FRY: variants seen among roughly 807,000 people sequenced by gnomAD.
FRY encodes FRY microtubule binding protein, also known as protein furry homolog.
FRY carries 128 observed loss-of-function variants against 348.4 expected under a neutral mutation model. The observed-to-expected ratio is 0.37, with a 90% CI of 0.32 to 0.43. The LOEUF is 0.43. Ranked by LOEUF, FRY falls within the 20% of genes least tolerant of loss-of-function variation. The pLI is 1.00. For synonymous variants in FRY, 1,370 were observed against 1,374.7 expected (o/e 1.00, Z 0.08); for missense variants, 2,736 against 3,695.2 (o/e 0.74, Z 6.73).
Position 32,171,059 on chromosome 13 carries a change from C to T in FRY, c.1940C>T (p.Ser647Phe). The T allele has an allele frequency of 6.2e-7, 1 of 1,611,210 alleles. No individual in the cohort carries two copies. Among genetic ancestry groups the T allele is most frequent in the Non-Finnish European group, 8.5e-7 (1 of 1,177,386 alleles). Residue 647 changes from serine (S) to phenylalanine (F), a missense_variant, in exon 18 of 61, where the codon TCT (serine) becomes TTT (phenylalanine). This residue lies in a region of FRY where 449 missense variants were observed against 576.9 expected (regional missense o/e 0.78). Coordinates refer to ENST00000542859, the MANE Select transcript of FRY (RefSeq NM_023037.3). ...GAATTGCGACATATTGCACAAAATT[C>T]TCTTCAGGGTTTACTTGTTGACTTC... is the stretch of plus-strand genomic sequence containing the variant. ...DDELRHIAQNSLQGLLVDFSD... is the reference protein window; with the variant it reads ...DDELRHIAQNFLQGLLVDFSD...
chr13:32,285,851 A>G (rs1889018403), intron 58 of FRY, among the ~76,000 whole-genome samples: 1 of 152,214 alleles, frequency 6.6e-6, no homozygotes, highest in Admixed American at 6.5e-5. Flanking sequence ...ACTATTTTAT[A>G]TGACATTGTA....
chr13:32,086,735 T>C (rs1350295292), intron 2 of FRY, among the ~76,000 whole-genome samples: 1 of 152,044 alleles, frequency 6.6e-6, no homozygotes, highest in Admixed American at 6.6e-5. Flanking sequence ...TTTTTTTAAG[T>C]CTACTTGACT....
intron 51 of FRY, among the ~76,000 whole-genome samples, chr13:32,261,238 G>A (rs1392444036): frequency 2.6e-5 from 4 of 152,180 alleles, no homozygotes; most frequent in Non-Finnish European, 5.9e-5. Context: ...AACAGGGGCC[G>A]ACCTCAGGGT....
Position 32,267,340 on chromosome 13 carries a change from T to G in FRY, c.8117T>G (p.Val2706Gly). 6.2e-7 allele frequency: 1 copy of G among 1,614,100 alleles called. No homozygotes were observed. The highest frequency in any genetic ancestry group is 8.5e-7 in the Non-Finnish European group (1 of 1,179,970). ...DGSCAVYTFH[V>G]FSSLFKNIQK... ...TCCTGTGCTGTGTATACATTTCATG[T>G]GTTCTCCTCCTTGTTTAAGGTATGT... is the stretch of plus-strand genomic sequence containing the variant. Residue 2706 changes from valine (V) to glycine (G), a missense_variant, in exon 55 of 61, where the codon GTG becomes GGG. Physicochemically the swap from Val to Gly is moderately radical, Grantham distance 109. Transcript: ENST00000542859.
Position 32,261,827 on chromosome 13 carries a change from G to A in FRY, c.7617+11G>A. On this transcript the variant is annotated intron_variant, in intron 52 of 60. Coordinates refer to ENST00000542859, the MANE Select transcript of FRY (RefSeq NM_023037.3). ...GAGCACTCAGACCTAGTAAGTAGCG[G>A]CTCTCCCACTCTAAGAATTGGGAGG... The A allele has an allele frequency of 6.2e-7, 1 of 1,612,176 alleles. No individual in the cohort carries two copies. Among genetic ancestry groups the A allele is most frequent in the Non-Finnish European group, 8.5e-7 (1 of 1,178,266 alleles).
At chr13:32,035,961 A>G (rs1376758725) in intron 1 of FRY, among the ~76,000 whole-genome samples, 1 of 152,160 alleles carries the variant, frequency 6.6e-6, no homozygotes, top group Non-Finnish European at 1.5e-5. Context: ...TAAGCCCAGG[A>G]TCTGTTCAAC....
At position 32,236,152 on chromosome 13, in the gene FRY, C is replaced by A. The variant is rs1309831523; in HGVS notation, c.5790C>A (p.Asp1930Glu). The change falls in exon 43 of 61, where the codon GAC (aspartate) becomes GAA (glutamate). Residue 1930 changes from aspartate (D) to glutamate (E), a missense_variant. Physicochemically the swap from Asp to Glu is conservative, Grantham distance 45. Coordinates refer to ENST00000542859, the MANE Select transcript of FRY (RefSeq NM_023037.3). The stretch of plus-strand genomic sequence containing the variant: ...TGTCTGACTGCTTGAAGAACAGTGA[C>A]CTCCTAACTGTATTGTCCCGGTGAG... ...DNLSDCLKNSDLLTVLSRSSS... is the reference protein window; with the variant it reads ...DNLSDCLKNSELLTVLSRSSS... The A allele has an allele frequency of 1.9e-6, 3 of 1,611,618 alleles. No individual in the cohort carries two copies. Among genetic ancestry groups the A allele is most frequent in the Admixed American group, 3.3e-5 (2 of 59,978 alleles).
intron 1 of FRY, among the ~76,000 whole-genome samples, chr13:32,075,014 T>C (rs1377654910): frequency 1.3e-5 from 2 of 152,214 alleles, no homozygotes; most frequent in African/African-American, 4.8e-5. Context: ...GATTCAGTCA[T>C]TGCATTTGCA....
chr13:32,209,600 C>T lies in FRY; in HGVS notation c.4291C>T (p.Pro1431Ser). 1 of 1,613,932 alleles carries T rather than the reference C, an allele frequency of 6.2e-7. No homozygotes were observed. Among genetic ancestry groups the T allele is most frequent in the Non-Finnish European group, 8.5e-7 (1 of 1,179,950 alleles). ...TTTGTTATAGTATGGAGATGAAGTT[C>T]CTGGGCCAGAAATGGAAAATGCTTG... ...YMTAKYGDEV[P>S]GPEMENAWNA... Residue 1431 changes from proline to serine, a missense_variant, in exon 33 of 61, where the codon CCT becomes TCT. By Grantham distance (74) the Pro-to-Ser change is moderately conservative. Transcript: ENST00000542859.
chr13:32,066,475 G>A (rs1874268221), intron 1 of FRY, among the ~76,000 whole-genome samples: 1 of 152,202 alleles, frequency 6.6e-6, no homozygotes, highest in Admixed American at 6.5e-5. Context: ...GTAGGTACAA[G>A]AACTCTGACC....
chr13:32,274,878 G>A lies in FRY; in HGVS notation c.8173G>A (p.Ala2725Thr). The change falls in exon 56 of 61, where the codon GCA becomes ACA. Residue 2725 changes from alanine to threonine, a missense_variant. Physicochemically the swap from Ala to Thr is moderately conservative, Grantham distance 58 (BLOSUM62 0). This residue lies in a region of FRY where 789 missense variants were observed against 996.2 expected (regional missense o/e 0.79). Coordinates refer to ENST00000542859, the MANE Select transcript of FRY (RefSeq NM_023037.3). ...QKRFCFLTCD[A>T]ASYLGDNLRG... ...AAGGTTCTGCTTCCTAACCTGTGATGCAGCCAGTTACCTTGGAGATAACCT... is the reference window on the plus strand; with the variant it reads ...AAGGTTCTGCTTCCTAACCTGTGATACAGCCAGTTACCTTGGAGATAACCT... The A allele has an allele frequency of 6.2e-7, 1 of 1,613,486 alleles. No homozygotes were observed. Among genetic ancestry groups the A allele is most frequent in the Non-Finnish European group, 8.5e-7 (1 of 1,179,500 alleles).
rs1421416481 is a variant in FRY, at chr13:32,297,191, T to C, written c.*1731T>C. ...CTAACCTAGGATTTTTTTTAAATCC[T>C]AGTAGTTGCTACAGATGCAACTACT... On this transcript the variant is annotated 3_prime_UTR_variant, in exon 61 of 61. Transcript: ENST00000542859. 1 of 152,224 alleles carries C rather than the reference T, an allele frequency of 6.6e-6. No individual in the cohort carries two copies. The highest frequency in any genetic ancestry group is 1.9e-4 in the East Asian group (1 of 5,200). 9.4% of individuals were successfully genotyped at this position (152,224 alleles called of 1,614,324 possible).
chr13:32,187,745 T>C (rs1477790860), intron 28 of FRY, 89 bp downstream of exon 28: 1 of 760,944 alleles, frequency 1.3e-6, no homozygotes, highest in Admixed American at 1.9e-5. Flanking sequence ...TTGTTCACAA[T>C]ACCTCTTCAC....
At chr13:32,282,318 A>G (rs1888851275) in intron 58 of FRY, among the ~76,000 whole-genome samples, 1 of 152,214 alleles carries the variant, frequency 6.6e-6, no homozygotes, top group South Asian at 2.1e-4. Flanking sequence ...GCCTGGGGAC[A>G]GGTAGAATGG....
intron 5 of FRY, 56 bp from the exon 6 acceptor site, chr13:32,124,546 T>A: frequency 9.7e-7 from 1 of 1,026,790 alleles, no homozygotes; most frequent in Non-Finnish European, 1.5e-6. Flanking sequence ...GGAAGTACTG[T>A]ACCGATTTGT....
intron 4 of FRY, among the ~76,000 whole-genome samples, chr13:32,123,571 G>A (rs909316123): frequency 1.3e-5 from 2 of 152,128 alleles, no homozygotes; most frequent in Admixed American, 1.3e-4. Flanking sequence ...TCCTTACATT[G>A]TTTAGCTCCT....
intron 13 of FRY, among the ~76,000 whole-genome samples, chr13:32,148,149 A>G (rs571349794): frequency 3.3e-5 from 5 of 152,344 alleles, no homozygotes; most frequent in African/African-American, 9.6e-5. Flanking sequence ...AAGTGTTTTC[A>G]GCATCTGATA....
At chr13:32,168,722 CT>C (rs1205340966) in intron 17 of FRY, among the ~76,000 whole-genome samples, 2 of 152,152 alleles carry the variant, frequency 1.3e-5, no homozygotes, top group Non-Finnish European at 2.9e-5. Flanking sequence ...ACTTTACATG[CT>C]TTTGAGACAG....
intron 2 of FRY, among the ~76,000 whole-genome samples, chr13:32,096,437 C>CGGG (rs368268179): frequency 7.2e-4 from 107 of 148,128 alleles, no homozygotes; most frequent in African/African-American, 2.2e-3. Flanking sequence ...GGGAAAACTG[C>CGGG]GGGGGGGGGC....
Sources: gnomAD v4.1 joint callset for allele counts (sites outside exome capture counted in the v4.1 genomes callset) on GRCh38, gnomAD v4.1.1 for gene constraint, gnomAD v4.1.1 regional missense constraint, MANE v1.5 for transcripts, NCBI Gene and HGNC (gene_info 2026-07-23, HGNC 2026-07-21) for gene names.